The following TGM5 variants were observed in gnomAD, a reference collection of about 807,000 sequenced individuals.
TGM5 encodes the protein protein-glutamine gamma-glutamyltransferase 5.
Under a neutral mutation model 77.2 loss-of-function variants are expected in TGM5, and 69 were observed. That is an observed-to-expected ratio of 0.89 (90% CI 0.74 to 1.09). The LOEUF is 1.09. TGM5 is among the 50% of genes least tolerant of loss of function. The pLI, the probability that TGM5 is intolerant of heterozygous loss-of-function variation, is 0.00. For missense variants in TGM5, 842 were observed against 896.5 expected (o/e 0.94, Z 0.78); for synonymous variants, 346 against 351.8 (o/e 0.98, Z 0.18).
At chr15:43,240,557 G>A (rs1239939663) in intron 7 of TGM5, among the ~76,000 whole-genome samples, 2 of 151,934 alleles carry the variant, frequency 1.3e-5, no homozygotes, top group Non-Finnish European at 2.9e-5. Context: ...GCCCCATAGA[G>A]CCAGGAGGTT....
Position 43,252,887 on chromosome 15 carries a change from T to C in TGM5, c.734A>G (p.Asn245Ser). ...CGCAGGGTTGGCGCCGTCTGTGTAA[T>C]TCTCACTCCAGTTTCCATTGAGCAC... is the stretch of plus-strand genomic sequence containing the variant. Reference protein sequence around the residue: ...NGVLNGNWSENYTDGANPAEW... With the variant: ...NGVLNGNWSESYTDGANPAEW... The change falls in exon 6 of 13, where the codon AAT becomes AGT. Residue 245 changes from asparagine (N) to serine (S), a missense_variant. Physicochemically the swap from Asn to Ser is conservative, Grantham distance 46 (BLOSUM62 1). Transcript: ENST00000220420. The C allele has an allele frequency of 6.2e-7, 1 of 1,613,900 alleles. No individual in the cohort carries two copies. Among genetic ancestry groups the C allele is most frequent in the Non-Finnish European group, 8.5e-7 (1 of 1,180,034 alleles).
chr15:43,266,883 C>T lies in TGM5; in HGVS notation c.-34G>A. The T allele has an allele frequency of 1.2e-6, 2 of 1,613,896 alleles. No individual in the cohort carries two copies. Among genetic ancestry groups the T allele is most frequent in the East Asian group, 2.2e-5 (1 of 44,884 alleles). On this transcript the variant is annotated 5_prime_UTR_variant, in exon 1 of 13. It adds an upstream start codon to the 5' untranslated region. Transcript: ENST00000220420. ...CCTCCGGTTCCTGGGATGCTCCCCACAGAACAGCTGGGCGGTCTGGAGCTT... is the reference window on the plus strand; with the variant it reads ...CCTCCGGTTCCTGGGATGCTCCCCATAGAACAGCTGGGCGGTCTGGAGCTT...
intron 1 of TGM5, among the ~76,000 whole-genome samples, chr15:43,264,849 C>G (rs1321701150): frequency 6.6e-6 from 1 of 152,160 alleles, no homozygotes. Flanking sequence ...AAGTATTACA[C>G]TTTATGTTAA....
At chr15:43,253,179 C>T (rs1596448181) in intron 5 of TGM5, among the ~76,000 whole-genome samples, 2 of 152,138 alleles carry the variant, frequency 1.3e-5, no homozygotes, top group African/African-American at 4.8e-5. Flanking sequence ...GTCCTCCCAT[C>T]CCCTGCAAAG....
intron 1 of TGM5, among the ~76,000 whole-genome samples, chr15:43,261,060 CTTTTTTTGTGTGTGTG>C (rs2042782530): frequency 6.6e-5 from 6 of 90,608 alleles, no homozygotes; most frequent in African/African-American, 3.8e-4. Flanking sequence ...GCTGCTCTTC[CTTTTTTTGTGTGTGTG>C]TTTTTTTTTT....
chr15:43,235,409 C>T lies in TGM5; in HGVS notation c.1714+60G>A, dbSNP rs1348050112. The T allele has an allele frequency of 1.9e-6, 3 of 1,612,538 alleles. No individual in the cohort carries two copies. The Admixed American group carries it at 5.0e-5, about 27-fold the overall frequency. ...CTGCCCCCAGAACCCTGTTGGCTGG[C>T]TTGACCCCACTGACATTGCCAAAAC... On this transcript the variant is annotated intron_variant, in intron 10 of 12. Transcript: ENST00000220420.
chr15:43,236,484 T>C (rs2042591317), intron 9 of TGM5, among the ~76,000 whole-genome samples: 1 of 152,206 alleles, frequency 6.6e-6, no homozygotes, highest in African/African-American at 2.4e-5. Context: ...GCAGGAATAC[T>C]TGCCCACGCC....
At chr15:43,233,522 A>G in intron 12 of TGM5, 32 bp downstream of exon 12, 1 of 1,614,018 alleles carries the variant, frequency 6.2e-7, no homozygotes, top group Non-Finnish European at 8.5e-7. Context: ...GGGGGGAAAA[A>G]CAGGAGAAGG....
intron 1 of TGM5, among the ~76,000 whole-genome samples, chr15:43,264,081 C>T (rs2042809304): frequency 1.3e-5 from 2 of 152,058 alleles, no homozygotes; most frequent in Admixed American, 1.3e-4. Flanking sequence ...ATCATTAGTC[C>T]TAGGGAAACA....
At chr15:43,235,416 C>T (rs867577315) in intron 10 of TGM5, 53 bp downstream of exon 10, 1 of 1,613,160 alleles carries the variant, frequency 6.2e-7, no homozygotes, top group African/African-American at 1.3e-5. Context: ...TGGCTTGACC[C>T]CACTGACATT....
chr15:43,242,735 T>C (rs901285403), intron 6 of TGM5, among the ~76,000 whole-genome samples: 3 of 152,166 alleles, frequency 2.0e-5, no homozygotes, highest in Admixed American at 6.5e-5. Flanking sequence ...TGAACAGGGC[T>C]GAAGAACTAG....
Position 43,234,880 on chromosome 15 carries a change from C to G in TGM5, c.1764G>C (p.Leu588=), listed in dbSNP as rs779128320. The change falls in exon 11 of 13, where the codon CTG becomes CTC. Residue 588 remains leucine (L), a synonymous_variant. Transcript: ENST00000220420. ...TGATGCGGATCAGCTTGTCTGTTGA[C>G]AGGTACTGGCTGTACTGGGAATAGG... ...KISYSQYSQY[L]STDKLIRISA... The G allele has an allele frequency of 1.9e-6, 3 of 1,614,204 alleles. No homozygotes were observed. The Admixed American group carries it at 5.0e-5, about 27-fold the overall frequency.
At chr15:43,265,407 G>C (rs1217228676) in intron 1 of TGM5, among the ~76,000 whole-genome samples, 1 of 152,218 alleles carries the variant, frequency 6.6e-6, no homozygotes, top group African/African-American at 2.4e-5. Flanking sequence ...GCACTAACTG[G>C]CTACAGTTCA....
intron 6 of TGM5, among the ~76,000 whole-genome samples, chr15:43,243,237 A>T (rs746506117): frequency 2.0e-5 from 3 of 152,258 alleles, no homozygotes; most frequent in Non-Finnish European, 4.4e-5. Context: ...CATTAACAAT[A>T]CAGGGCAAGG....
intron 5 of TGM5, among the ~76,000 whole-genome samples, 197 bp from the exon 6 acceptor site, chr15:43,253,133 A>G (rs1480716736): frequency 6.6e-6 from 1 of 152,106 alleles, no homozygotes; most frequent in Admixed American, 6.5e-5. Context: ...ACTGTGAATT[A>G]GTTTATTATT....
At chr15:43,257,001 C>T (rs188202736) in intron 3 of TGM5, among the ~76,000 whole-genome samples, 21 of 152,336 alleles carry the variant, frequency 1.4e-4, no homozygotes, top group African/African-American at 3.6e-4. Flanking sequence ...CCAAATCACA[C>T]ATCAGCACAG....
chr15:43,265,555 C>T (rs1008561548), intron 1 of TGM5, among the ~76,000 whole-genome samples: 2 of 152,204 alleles, frequency 1.3e-5, no homozygotes, highest in Non-Finnish European at 2.9e-5. Context: ...CTCTTCAGCC[C>T]AGGTGCCATC....
At chr15:43,259,389 T>G (rs2042768168) in intron 3 of TGM5, among the ~76,000 whole-genome samples, 1 of 149,456 alleles carries the variant, frequency 6.7e-6, no homozygotes. Flanking sequence ...AACAGTGAAA[T>G]AATTGTAGCT....
At chr15:43,251,316 A>T (rs1265215162) in intron 6 of TGM5, among the ~76,000 whole-genome samples, 1 of 140,852 alleles carries the variant, frequency 7.1e-6, no homozygotes. Context: ...GTGCAAAGTC[A>T]CTCTCTCTCG....
Sources: gnomAD v4.1 joint callset for allele counts (sites outside exome capture counted in the v4.1 genomes callset) on GRCh38, gnomAD v4.1.1 for gene constraint, MANE v1.5 for transcripts, NCBI Gene and HGNC (gene_info 2026-07-23, HGNC 2026-07-21) for gene names.